NLRP11: variants seen among roughly 807,000 people sequenced by gnomAD.
NLRP11 encodes NACHT, LRR and PYD domains-containing protein 11.
NLRP11 carries 53 observed loss-of-function variants against 79.3 expected under a neutral mutation model. The observed-to-expected ratio is 0.67, with a 90% confidence interval of 0.54 to 0.84. The LOEUF (loss-of-function observed/expected upper bound fraction) is 0.84, where lower values mean the gene tolerates loss of function less well. Among genes scored for constraint, NLRP11 ranks in the 40% least tolerant of loss-of-function variants. NLRP11 has a pLI of 0.00. For missense variants in NLRP11, 1,264 were observed against 1,255.0 expected, an observed-to-expected ratio of 1.01 and a Z score of -0.11; for synonymous variants, 518 against 462.6, an observed-to-expected ratio of 1.12 and a Z score of -1.54.
At chr19:55,802,807 C>T (rs905625905) in intron 4 of NLRP11, among the ~76,000 whole-genome samples, 1 of 152,072 alleles carries the variant, frequency 6.6e-6, no homozygotes, top group East Asian at 1.9e-4. Flanking sequence ...GGTACTGGTA[C>T]AAAAACAGAC....
At chr19:55,793,168 C>T (rs1222133456) in intron 6 of NLRP11, among the ~76,000 whole-genome samples, 1 of 152,200 alleles carries the variant, frequency 6.6e-6, no homozygotes, top group Non-Finnish European at 1.5e-5. Flanking sequence ...GCGTGAGCCA[C>T]CACACCCGGC....
intron 1 of NLRP11, among the ~76,000 whole-genome samples, chr19:55,821,289 A>T (rs1981705690): frequency 6.6e-6 from 1 of 151,072 alleles, no homozygotes; most frequent in Non-Finnish European, 1.5e-5. Context: ...CACAGCAGCC[A>T]ATACCTCGTG....
intron 3 of NLRP11, 97 bp from the exon 4 acceptor site, chr19:55,808,111 G>A (rs1276484600): frequency 2.6e-6 from 2 of 771,900 alleles, no homozygotes; most frequent in Non-Finnish European, 4.2e-6. Flanking sequence ...AGTGCCTGTT[G>A]TCTGACTCAG....
At chr19:55,815,909 C>T (rs1432647534) in intron 2 of NLRP11, among the ~76,000 whole-genome samples, 1 of 151,678 alleles carries the variant, frequency 6.6e-6, no homozygotes, top group African/African-American at 2.4e-5. Flanking sequence ...CAAAAAGATA[C>T]TTGTGATTGC....
At chr19:55,800,358 C>A (rs537618894) in intron 5 of NLRP11, among the ~76,000 whole-genome samples, 2 of 152,110 alleles carry the variant, frequency 1.3e-5, no homozygotes, top group Admixed American at 6.5e-5. Context: ...CAGGCTGGAA[C>A]GTGCAGCGGC....
At chr19:55,796,129 T>G (rs1213817348) in exon 6 of NLRP11, 1 of 1,614,030 alleles carries the variant, frequency 6.2e-7, no homozygotes. Flanking sequence ...TCACACAGTA[T>G]GTTCATCCCG....
At chr19:55,801,213 CTTTTACT>C (rs942467481) in intron 5 of NLRP11, 1 of 176,146 alleles carries the variant, frequency 5.7e-6, no homozygotes, top group African/African-American at 2.4e-5. Flanking sequence ...CACTTGCTTC[CTTTTACT>C]TTTTAATGTG....
chr19:55,797,707 T>C (rs1979063927), intron 5 of NLRP11, among the ~76,000 whole-genome samples: 1 of 152,072 alleles, frequency 6.6e-6, no homozygotes, highest in Non-Finnish European at 1.5e-5. Context: ...TTGAATGAAA[T>C]GGAAGCCCTT....
At chr19:55,825,005 G>C (rs200919258) in intron 1 of NLRP11, among the ~76,000 whole-genome samples, 2 of 39,950 alleles carry the variant, frequency 5.0e-5, no homozygotes, top group East Asian at 9.1e-4. Flanking sequence ...TGACCACATA[G>C]TTGGAAGTAA....
chr19:55,802,269 C>T (rs932602477), intron 4 of NLRP11, among the ~76,000 whole-genome samples: 1 of 152,120 alleles, frequency 6.6e-6, no homozygotes, highest in African/African-American at 2.4e-5. Context: ...CAGAAAACCC[C>T]ATAGTCTCAG....
At chr19:55,807,962 T>C (rs1197660276) in exon 4 of NLRP11, 2 of 1,612,402 alleles carry the variant, frequency 1.2e-6, no homozygotes, top group Non-Finnish European at 1.7e-6. Context: ...AGGCTCTCCA[T>C]TGTATAAAAA....
chr19:55,795,292 C>G (rs1251341176), intron 6 of NLRP11, among the ~76,000 whole-genome samples: 1 of 152,054 alleles, frequency 6.6e-6, no homozygotes, highest in Non-Finnish European at 1.5e-5. Context: ...AAAGGAGACT[C>G]AGGGGAAAAA....
chr19:55,823,931 C>T (rs1012554705), intron 1 of NLRP11, among the ~76,000 whole-genome samples: 2 of 137,784 alleles, frequency 1.5e-5, no homozygotes, highest in Non-Finnish European at 1.5e-5. Flanking sequence ...AGATACTCCT[C>T]GAGAAGAGCA....
At chr19:55,798,001 T>TATTA (rs559385036) in intron 5 of NLRP11, among the ~76,000 whole-genome samples, 1 of 145,422 alleles carries the variant, frequency 6.9e-6, no homozygotes, top group East Asian at 2.0e-4. Context: ...TTATTATTAT[T>TATTA]TTTTTTTTTT....
At chr19:55,808,435 G>A (rs1409651668) in intron 3 of NLRP11, among the ~76,000 whole-genome samples, 1 of 152,138 alleles carries the variant, frequency 6.6e-6, no homozygotes, top group East Asian at 1.9e-4. Context: ...GACATTTGGT[G>A]ATGTATAAGA....
At chr19:55,808,356 C>T (rs915492330) in intron 3 of NLRP11, among the ~76,000 whole-genome samples, 1 of 152,142 alleles carries the variant, frequency 6.6e-6, no homozygotes, top group Non-Finnish European at 1.5e-5. Flanking sequence ...TCTTTTTAAT[C>T]TATACAACAG....
chr19:55,822,917 C>T (rs1306337194), intron 1 of NLRP11, among the ~76,000 whole-genome samples: 2 of 152,330 alleles, frequency 1.3e-5, no homozygotes, highest in East Asian at 3.9e-4. Context: ...CACCACAGCT[C>T]AAGGAGGCCT....
chr19:55,785,511 AC>A, exon 10 of NLRP11: 2 of 859,956 alleles, frequency 2.3e-6, no homozygotes, highest in South Asian at 1.7e-5. Context: ...ACACACACAC[AC>A]ACACACACAC....
exon 8 of NLRP11, chr19:55,789,350 C>T: frequency 6.2e-7 from 1 of 1,614,114 alleles, no homozygotes; most frequent in Non-Finnish European, 8.5e-7. Flanking sequence ...GTAGCAATAA[C>T]TATGGCAATA....
Sources: allele counts gnomAD v4.1 joint callset (sites outside exome capture counted in the v4.1 genomes callset), GRCh38; gene constraint gnomAD v4.1.1; transcripts MANE v1.5; gene names NCBI Gene and HGNC (gene_info 2026-07-23, HGNC 2026-07-21).